Variants in FCSK observed in about 807,000 individuals in gnomAD.
The protein encoded by FCSK is fucose kinase.
In FCSK, 123 loss-of-function variants were observed where a neutral mutation model predicts 122.5. That is an observed-to-expected ratio of 1.00 (90% confidence interval 0.87 to 1.17). The LOEUF is 1.17. Ranked by LOEUF, FCSK falls within the 50% of genes most tolerant of loss-of-function variation. The probability of loss-of-function intolerance (pLI) is 0.00; values close to 1 mark genes in which losing one functional copy is unlikely to be tolerated. For synonymous variants in FCSK, 620 were observed against 625.5 expected, an observed-to-expected ratio of 0.99 and a Z score of 0.13; for missense variants, 1,366 against 1,450.4, an observed-to-expected ratio of 0.94 and a Z score of 0.95.
intron 1 of FCSK, among the ~76,000 whole-genome samples, chr16:70,461,976 T>C (rs976468907): frequency 1.3e-5 from 2 of 152,088 alleles, no homozygotes; most frequent in African/African-American, 4.8e-5. Flanking sequence ...GCCCAGATGC[T>C]CTTCAGTGGG....
At chr16:70,465,940 A>G (rs540174732) in intron 4 of FCSK, among the ~76,000 whole-genome samples, 192 bp from the exon 5 acceptor site, 44 of 152,292 alleles carry the variant, frequency 2.9e-4, no homozygotes, top group African/African-American at 9.1e-4. Context: ...GCAACAGAGC[A>G]AGACTTAGTC....
At chr16:70,457,442 A>T (rs1048334038) in intron 1 of FCSK, among the ~76,000 whole-genome samples, 6 of 151,304 alleles carry the variant, frequency 4.0e-5, no homozygotes, top group African/African-American at 1.5e-4. Flanking sequence ...TTTAAAAGAG[A>T]TGGGGTTTTG....
intron 20 of FCSK, among the ~76,000 whole-genome samples, chr16:70,476,872 CTG>C (rs1410590064): frequency 6.6e-6 from 1 of 152,218 alleles, no homozygotes; most frequent in South Asian, 2.1e-4. Flanking sequence ...AGAACCCACT[CTG>C]TGGGGCCCCA....
At chr16:70,463,071 T>C in intron 1 of FCSK, 98 bp from the exon 2 acceptor site, 1 of 733,054 alleles carries the variant, frequency 1.4e-6, no homozygotes, top group Non-Finnish European at 2.2e-6. Flanking sequence ...AACACGAATC[T>C]ATACACATGT....
intron 4 of FCSK, among the ~76,000 whole-genome samples, chr16:70,465,827 C>T (rs2048400843): frequency 1.3e-5 from 2 of 152,042 alleles, no homozygotes; most frequent in Admixed American, 6.6e-5. Context: ...GTGGTGCATG[C>T]CTGTAGTCCC....
chr16:70,474,768 G>C, intron 17 of FCSK, 22 bp from the exon 18 acceptor site: 1 of 1,557,656 alleles, frequency 6.4e-7, no homozygotes, highest in Non-Finnish European at 8.7e-7. Flanking sequence ...TGACCAGCTT[G>C]AGTCTTGCCA....
chr16:70,475,408 C>T lies in FCSK; in HGVS notation c.2436C>T (p.Leu812=). Residue 812 remains leucine (L), a synonymous_variant, in exon 19 of 24, where the codon CTC becomes CTT. Coordinates refer to ENST00000288078, the MANE Select transcript of FCSK (RefSeq NM_145059.3). ...GGATCGTGCATGTCCACTCGGAACT[C>T]CAGCTGAGTGAGCAGCTGCTCCGCA... ...CAGIVHVHSE[L]QLSEQLLRTF... is the part of the protein sequence containing the mutation. The T allele has an allele frequency of 6.2e-7, 1 of 1,610,104 alleles. No individual in the cohort carries two copies. Among genetic ancestry groups the T allele is most frequent in the Non-Finnish European group, 8.5e-7 (1 of 1,179,694 alleles).
At position 70,473,939 on chromosome 16, in the gene FCSK, G is replaced by T. The variant is rs9925510; in HGVS notation, c.1778-190G>T. Among the ~76,000 whole-genome samples, 13,450 of 151,868 alleles carry T rather than the reference G, an allele frequency of 0.089. 1,924 individuals are homozygous for T. The highest frequency in any genetic ancestry group is 0.3 in the African/African-American group (12,539 of 41,148). On this transcript the variant is annotated intron_variant, in intron 15 of 23. Coordinates refer to ENST00000288078, the MANE Select transcript of FCSK (RefSeq NM_145059.3). This position sits in a 1 kb window ranked among gnomAD's most constrained non-coding sequence, Gnocchi z 4.9. Reference sequence around the variant, plus strand: ...GGGTGAAGAGACACCTATGGGCTGGGACTGGCAAGACGAGATGATCTCTGC... The same window carrying T: ...GGGTGAAGAGACACCTATGGGCTGGTACTGGCAAGACGAGATGATCTCTGC...
rs568524774 is a variant in FCSK at position 70,479,999 on chromosome 16, T to A, written c.*319T>A. 100 of 241,636 alleles carry A rather than the reference T, an allele frequency of 4.1e-4. No homozygotes were observed. The highest frequency in any genetic ancestry group is 2.1e-3 in the African/African-American group (96 of 44,718). The allele number at this position is 241,636 out of a possible 1,614,324, so 15.0% of individuals were successfully genotyped here. ...CCTGGAAAGGGTTGACAGCCAGCCT[T>A]GGCATATGGCTGGGAGTCCCTTAGC... On this transcript the variant is annotated 3_prime_UTR_variant, in exon 24 of 24. Transcript: ENST00000288078.
chr16:70,467,785 A>C, intron 7 of FCSK, 101 bp from the exon 8 acceptor site: 1 of 997,130 alleles, frequency 1.0e-6, no homozygotes, highest in Non-Finnish European at 1.6e-6. Context: ...TTGCGTCCTC[A>C]GCTTTCCTTT....
Position 70,461,465 on chromosome 16 carries a change from CAG to C in FCSK, c.-22-1703_-22-1702del, listed in dbSNP as rs947840257. ...AGGAGTGCTGGCAGGTTGGGGGAGA[CAG>C]GGGTGGGGGTGAAGCCAAATCTTTG... On this transcript the variant is annotated intron_variant, in intron 1 of 23. Coordinates refer to ENST00000288078, the MANE Select transcript of FCSK (RefSeq NM_145059.3). Among the ~76,000 whole-genome samples the C allele has an allele frequency of 5.3e-5, 8 of 151,326 alleles. 1 individual carries two copies. The highest frequency in any genetic ancestry group is 6.8e-3 in the Middle Eastern group (2 of 292).
intron 5 of FCSK, 157 bp downstream of exon 5, chr16:70,466,414 T>G (rs2048420071): frequency 2.3e-6 from 2 of 874,116 alleles, no homozygotes; most frequent in Non-Finnish European, 1.7e-6. Flanking sequence ...TAGTTGTGTC[T>G]GGGGGCAGTG....
chr16:70,461,686 T>C (rs1216645722), intron 1 of FCSK, among the ~76,000 whole-genome samples: 3 of 152,050 alleles, frequency 2.0e-5, no homozygotes, highest in Non-Finnish European at 2.9e-5. Flanking sequence ...TTGAGGAGCC[T>C]GGGGGGTGGG....
Position 70,470,182 on chromosome 16 carries a change from A to G in FCSK, c.956-132A>G. On this transcript the variant is annotated intron_variant, in intron 10 of 23. Coordinates refer to ENST00000288078, the MANE Select transcript of FCSK (RefSeq NM_145059.3). ...CTAGCTGTGTTGTGTGGCTTTGGGC[A>G]GGTTCCTGACTCAGCTTCCCCTAAC... 3 of 668,018 alleles carry G rather than the reference A, an allele frequency of 4.5e-6. No homozygotes were observed. The South Asian group carries it at 5.2e-5, about 12-fold the overall frequency. The allele number at this position is 668,018 out of a possible 1,614,324, so 41.4% of individuals were successfully genotyped here. A position where few individuals can be genotyped will look rare whatever the true frequency, so the allele number is the denominator to read the frequency against.
At chr16:70,475,791 A>T (rs977698117) in intron 20 of FCSK, 24 bp downstream of exon 20, 1 of 1,536,982 alleles carries the variant, frequency 6.5e-7, no homozygotes, top group Non-Finnish European at 8.8e-7. Flanking sequence ...CTGGAGTTGG[A>T]GGAGGTCACT....
rs1476331443 is a variant in FCSK, at chr16:70,471,064, C to T, written c.1162C>T (p.His388Tyr). The T allele has an allele frequency of 1.9e-6, 3 of 1,600,504 alleles. No homozygotes were observed. In the African/African-American group the frequency reaches 4.0e-5, roughly 21 times the overall value. The change falls in exon 12 of 24, where the codon CAC becomes TAC. Residue 388 changes from histidine to tyrosine, a missense_variant. By Grantham distance (83) the His-to-Tyr change is moderately conservative. Transcript: ENST00000288078. ...LGPGSVLQHC[H>Y]LQGPIHIGAG... ...TCCTGGGAGCGTCCTGCAGCACTGCCACCTGCAGGTGAGGCCTGAGCGTGT... is the reference window on the plus strand; with the variant it reads ...TCCTGGGAGCGTCCTGCAGCACTGCTACCTGCAGGTGAGGCCTGAGCGTGT...
chr16:70,470,242 G>A, intron 10 of FCSK, 72 bp from the exon 11 acceptor site: 1 of 1,032,492 alleles, frequency 9.7e-7, no homozygotes, highest in Non-Finnish European at 1.5e-6. Flanking sequence ...ATGTGTCTCT[G>A]CTGCTGGGAG....
chr16:70,466,035 A>C (rs2048407768), intron 4 of FCSK, 97 bp from the exon 5 acceptor site: 5 of 1,260,320 alleles, frequency 4.0e-6, no homozygotes. Context: ...AACATTTTTT[A>C]TCAGCCCTCC....
Position 70,466,274 on chromosome 16 carries a change from G to T in FCSK, c.411+17G>T, listed in dbSNP as rs754312653. The T allele has an allele frequency of 6.2e-7, 1 of 1,613,508 alleles. No homozygotes were observed. Among genetic ancestry groups the T allele is most frequent in the Admixed American group, 1.7e-5 (1 of 59,994 alleles). ...ACCTATCGGGTGAGGCTGGGTGGTG[G>T]CCCGTGGTGCCTCGTCCCAGATAGA... On this transcript the variant is annotated intron_variant, in intron 5 of 23. Coordinates refer to ENST00000288078, the MANE Select transcript of FCSK (RefSeq NM_145059.3).
Sources: gnomAD v4.1 joint callset for allele counts (sites outside exome capture counted in the v4.1 genomes callset) on GRCh38, gnomAD v4.1.1 for gene constraint, Gnocchi (gnomAD v3.1) non-coding constraint, MANE v1.5 for transcripts, NCBI Gene and HGNC (gene_info 2026-07-23, HGNC 2026-07-21) for gene names.